BAHCC1: variants seen among roughly 807,000 people sequenced by gnomAD.
BAHCC1 encodes BAH domain and coiled-coil containing 1, also known as BAH and coiled-coil domain-containing protein 1.
A neutral mutation model predicts 88.2 loss-of-function variants in BAHCC1; 43 were observed. The ratio of observed to expected loss-of-function variants is 0.49; its 90% CI spans 0.38 to 0.63. The LOEUF is 0.63. BAHCC1 is among the 20% of genes least tolerant of loss of function. BAHCC1 has a pLI of 0.00. For missense variants in BAHCC1, 3,023 were observed against 1,654.8 expected, an observed-to-expected ratio of 1.83 and a Z score of -14.34; for synonymous variants, 1,510 against 745.5, an observed-to-expected ratio of 2.03 and a Z score of -16.71.
At chr17:81,446,761 C>T (rs569091446) in intron 10 of BAHCC1, 31 of 625,126 alleles carry the variant, frequency 5.0e-5, no homozygotes, top group Non-Finnish European at 8.4e-5. Context: ...CTCTGTTGCC[C>T]ACGCTGGTCT....
rs1555645766 is a variant in BAHCC1 at position 81,399,928 on chromosome 17, G to A, written c.178+11G>A. 8 of 1,357,178 alleles carry A rather than the reference G, an allele frequency of 5.9e-6. No individual in the cohort carries two copies. Among genetic ancestry groups the A allele is most frequent in the African/African-American group, 1.5e-5 (1 of 65,038 alleles). 84.1% of individuals were successfully genotyped at this position (1,357,178 alleles called of 1,614,324 possible). On this transcript the variant is annotated intron_variant, in intron 2 of 27. Coordinates refer to ENST00000675386, the MANE Select transcript of BAHCC1 (RefSeq NM_001377448.1). The surrounding 1 kb of genome is among the most constrained non-coding windows in gnomAD (Gnocchi z 4.5). ...TGGCTTCGCACACAGGTCAGTGCTC[G>A]GCCGGGGCGGGCGCGGGACGGGAGC...
chr17:81,429,378 C>T (rs1055421486), intron 3 of BAHCC1, among the ~76,000 whole-genome samples: 18 of 152,234 alleles, frequency 1.2e-4, no homozygotes, highest in African/African-American at 4.1e-4. Context: ...CCCCGGGATC[C>T]CCTCCCCTCC....
rs148208598 is a variant in BAHCC1, at chr17:81,413,842, G to A, written c.179-12958G>A. On this transcript the variant is annotated intron_variant, in intron 2 of 27. Coordinates refer to ENST00000675386, the MANE Select transcript of BAHCC1 (RefSeq NM_001377448.1). ...TGGATGGGGCGCAGGGCTCGCTATG[G>A]GGTGCTGGGGCGGCTGTGTCCTCTG... is the stretch of plus-strand genomic sequence containing the variant. Among the ~76,000 whole-genome samples the A allele has an allele frequency of 5.6e-3, 848 of 152,342 alleles. 14 individuals carry two copies. Among genetic ancestry groups the A allele is most frequent in the African/African-American group, 0.019 (779 of 41,578 alleles).
At chr17:81,446,495 G>C (rs1332709963) in intron 10 of BAHCC1, among the ~76,000 whole-genome samples, 1 of 142,152 alleles carries the variant, frequency 7.0e-6, no homozygotes, top group Admixed American at 7.1e-5. Context: ...CTCTTTAGGG[G>C]AATGAGGGCC....
At chr17:81,439,548 T>C (rs1210366585) in intron 4 of BAHCC1, among the ~76,000 whole-genome samples, 1 of 79,972 alleles carries the variant, frequency 1.3e-5, no homozygotes, top group South Asian at 4.1e-4. Context: ...ACACACGGGG[T>C]GGGGTCAGTG....
intron 13 of BAHCC1, 103 bp downstream of exon 13, chr17:81,452,210 C>T (rs1229433648): frequency 2.1e-5 from 11 of 519,992 alleles, no homozygotes; most frequent in Admixed American, 3.8e-5. Flanking sequence ...CAGGATTGGG[C>T]TCTGCCCCCT....
rs868962719 is a variant in BAHCC1, at chr17:81,411,010, G to A, written c.178+11093G>A. On this transcript the variant is annotated intron_variant, in intron 2 of 27. Transcript: ENST00000675386. This position sits in a 1 kb window ranked among gnomAD's most constrained non-coding sequence, Gnocchi z 6.2. Reference sequence around the variant, plus strand: ...GCTTCGGAGCCGCACCTGGGTCTTTGTTGTCCATATGTCTGTGTGAAGGCC... The same window carrying A: ...GCTTCGGAGCCGCACCTGGGTCTTTATTGTCCATATGTCTGTGTGAAGGCC... 3.9e-6 allele frequency: 2 copies of A among 509,960 alleles called. No homozygotes were observed. Among genetic ancestry groups the A allele is most frequent in the Middle Eastern group, 3.7e-4 (1 of 2,682 alleles). 31.6% of individuals were successfully genotyped at this position (509,960 alleles called of 1,614,324 possible).
intron 2 of BAHCC1, among the ~76,000 whole-genome samples, chr17:81,425,150 T>G (rs530406515): frequency 0.012 from 978 of 84,698 alleles, 27 homozygotes; most frequent in African/African-American, 0.047. Context: ...TGGTTGGGGG[T>G]GATGGTGGGT....
At chr17:81,431,697 C>T (rs1225897188) in intron 3 of BAHCC1, among the ~76,000 whole-genome samples, 1 of 152,224 alleles carries the variant, frequency 6.6e-6, no homozygotes, top group Non-Finnish European at 1.5e-5. Context: ...CCTGGCAATG[C>T]TGCACAGCAC....
In BAHCC1 at chr17:81,455,405, G is replaced by T. The variant is rs559071619; in HGVS notation, c.4569+15G>T. On this transcript the variant is annotated intron_variant, in intron 15 of 27. Coordinates refer to ENST00000675386, the MANE Select transcript of BAHCC1 (RefSeq NM_001377448.1). ...CTGCCTCCGTGGTGAGTGCCGAGGC[G>T]CCCGCCTTGCCCCAGGGCCCTTCAG... 1.1e-5 allele frequency: 8 copies of T among 714,076 alleles called. No individual in the cohort carries two copies. Among genetic ancestry groups the T allele is most frequent in the Non-Finnish European group, 1.8e-5 (7 of 384,694 alleles). 44.2% of individuals were successfully genotyped at this position (714,076 alleles called of 1,614,324 possible).
chr17:81,463,385 C>T (rs1598520468), intron 27 of BAHCC1, among the ~76,000 whole-genome samples: 1 of 152,242 alleles, frequency 6.6e-6, no homozygotes. Flanking sequence ...TAGTATTTCT[C>T]TGACTCCGAC....
chr17:81,418,737 G>GTGGGTA (rs1555649075), intron 2 of BAHCC1, among the ~76,000 whole-genome samples: 4 of 152,040 alleles, frequency 2.6e-5, no homozygotes. Flanking sequence ...CTGCCAAGGT[G>GTGGGTA]CGCACACCCA....
chr17:81,408,412 C>T lies in BAHCC1; in HGVS notation c.178+8495C>T, dbSNP rs555864368. The stretch of plus-strand genomic sequence containing the variant: ...CTGCCTCCCACCCCCCAGGCTCCCA[C>T]CCTGCACCCCCACCTCTCAGCTGCC... On this transcript the variant is annotated intron_variant, in intron 2 of 27. Transcript: ENST00000675386. Among the ~76,000 whole-genome samples the T allele has an allele frequency of 5.3e-5, 8 of 151,342 alleles. No individual in the cohort carries two copies. In the East Asian group the frequency reaches 1.4e-3, roughly 26 times the overall value.
At position 81,456,552 on chromosome 17, in the gene BAHCC1, G is replaced by A. The variant is rs782778492; in HGVS notation, c.4825G>A (p.Ala1609Thr). 1.1e-5 allele frequency: 8 copies of A among 712,144 alleles called. 1 individual carries two copies. Among genetic ancestry groups the A allele is most frequent in the South Asian group, 7.5e-5 (5 of 66,986 alleles). 44.1% of individuals were successfully genotyped at this position (712,144 alleles called of 1,614,324 possible). The change falls in exon 16 of 28, where the codon GCC (alanine) becomes ACC (threonine). Residue 1609 changes from alanine (A) to threonine (T), a missense_variant. Ala to Thr is a moderately conservative substitution (Grantham distance 58, BLOSUM62 0). Transcript: ENST00000675386. The part of the protein sequence containing the change: ...HGSRETPRCP[A>T]QPSVAASQEA... ...CAGCCGGGAGACACCCAGGTGCCCA[G>A]CCCAGCCCTCCGTGGCTGCGTCCCA...
At chr17:81,438,621 G>A in intron 4 of BAHCC1, 129 bp downstream of exon 4, 1 of 656,894 alleles carries the variant, frequency 1.5e-6, no homozygotes, top group Non-Finnish European at 2.8e-6. Flanking sequence ...TCGAGGCCAG[G>A]GTGGGGGCTA....
chr17:81,455,496 C>T (rs1431317616), intron 15 of BAHCC1, 106 bp downstream of exon 15: 3 of 639,280 alleles, frequency 4.7e-6, no homozygotes, highest in Non-Finnish European at 8.6e-6. Context: ...ACCCATTGCT[C>T]AGATGAGCGA....
At chr17:81,456,254 C>T (rs2064747005) in intron 15 of BAHCC1, 43 bp from the exon 16 acceptor site, 1 of 691,946 alleles carries the variant, frequency 1.4e-6, no homozygotes, top group Non-Finnish European at 2.6e-6. Context: ...CTGTGGTTTG[C>T]AGAGGGCGCC....
In BAHCC1 at chr17:81,411,915, C is replaced by T. The variant is rs958860860; in HGVS notation, c.178+11998C>T. Among the ~76,000 whole-genome samples the T allele has an allele frequency of 2.6e-5, 4 of 152,218 alleles. No homozygotes were observed. Among genetic ancestry groups the T allele is most frequent in the East Asian group, 1.9e-4 (1 of 5,198 alleles). On this transcript the variant is annotated intron_variant, in intron 2 of 27. Coordinates refer to ENST00000675386, the MANE Select transcript of BAHCC1 (RefSeq NM_001377448.1). This position sits in a 1 kb window ranked among gnomAD's most constrained non-coding sequence, Gnocchi z 6.2. Reference sequence around the variant, plus strand: ...GCGCTTACCATCGTATCCCTGCATCCGAGGGTAGCTTTGCCACAGGAAGCA... The same window carrying T: ...GCGCTTACCATCGTATCCCTGCATCTGAGGGTAGCTTTGCCACAGGAAGCA...
Position 81,451,978 on chromosome 17 carries a change from C to A in BAHCC1, c.4187C>A (p.Pro1396His). 1 of 625,492 alleles carries A rather than the reference C, an allele frequency of 1.6e-6. No individual in the cohort carries two copies. The highest frequency in any genetic ancestry group is 2.9e-6 in the Non-Finnish European group (1 of 350,180). The allele number at this position is 625,492 out of a possible 1,614,324, so 38.7% of individuals were successfully genotyped here. Reference protein sequence around the residue: ...TWTPKTKPVCPLKAAIDRLDT... With the variant: ...TWTPKTKPVCHLKAAIDRLDT... Reference sequence around the variant, plus strand: ...CTGTGCCCCCCCCACCAGGTGTGCCCCCTGAAGGCCGCCATCGACCGGCTG... The same window carrying A: ...CTGTGCCCCCCCCACCAGGTGTGCCACCTGAAGGCCGCCATCGACCGGCTG... The change falls in exon 13 of 28, where the codon CCC (proline) becomes CAC (histidine). Residue 1396 changes from proline to histidine, a missense_variant. Transcript: ENST00000675386.
Sources: gnomAD v4.1 joint callset for allele counts (sites outside exome capture counted in the v4.1 genomes callset) on GRCh38, gnomAD v4.1.1 for gene constraint, Gnocchi (gnomAD v3.1) non-coding constraint, MANE v1.5 for transcripts, NCBI Gene and HGNC (gene_info 2026-07-23, HGNC 2026-07-21) for gene names.